MAST1: variants seen among roughly 807,000 people sequenced by gnomAD.
The protein encoded by MAST1 is microtubule-associated serine/threonine-protein kinase 1.
Under a neutral mutation model 124.6 loss-of-function variants are expected in MAST1, and 40 were observed. That is an observed-to-expected ratio of 0.32 (90% CI 0.25 to 0.42). The LOEUF (loss-of-function observed/expected upper bound fraction) is 0.42. Ranked by LOEUF, MAST1 falls within the 10% of genes least tolerant of loss-of-function variation. MAST1 has a pLI of 1.00. For missense variants in MAST1, 1,558 were observed against 2,181.9 expected (o/e 0.71, Z 5.70); for synonymous variants, 938 against 939.4 (o/e 1.00, Z 0.03).
chr19:12,857,634 G>A (rs1032748510), intron 10 of MAST1, among the ~76,000 whole-genome samples: 1 of 151,288 alleles, frequency 6.6e-6, no homozygotes, highest in Non-Finnish European at 1.5e-5. Flanking sequence ...GGATGGTCTC[G>A]ATCTCCTGAC....
At chr19:12,857,175 C>T (rs1319416020) in intron 10 of MAST1, among the ~76,000 whole-genome samples, 1 of 152,118 alleles carries the variant, frequency 6.6e-6, no homozygotes, top group Non-Finnish European at 1.5e-5. Flanking sequence ...CCTCTGCCTC[C>T]TGGGTTCAAG....
chr19:12,864,021 T>C (rs1052511339), intron 12 of MAST1, among the ~76,000 whole-genome samples: 34 of 150,664 alleles, frequency 2.3e-4, no homozygotes, highest in Non-Finnish European at 1.0e-4. Flanking sequence ...GCCTCCCAGG[T>C]TCAAGCCATT....
chr19:12,874,592 C>T lies in MAST1; in HGVS notation c.4435C>T (p.Arg1479Cys). ...SVPEAPRGRE[R>C]WVLEVVEERT... ...GCCCGAGGCCCCCCGGGGCCGGGAG[C>T]GCTGGGTGTTGGAGGTGGTGGAGGA... Residue 1479 changes from arginine (R) to cysteine (C), a missense_variant, in exon 26 of 26, where the codon CGC (arginine) becomes TGC (cysteine). Coordinates refer to ENST00000251472, the MANE Select transcript of MAST1 (RefSeq NM_014975.3). This position sits in a 1 kb window ranked among gnomAD's most constrained non-coding sequence, Gnocchi z 6.6. 3 of 1,509,122 alleles carry T rather than the reference C, an allele frequency of 2.0e-6. No individual in the cohort carries two copies. Among genetic ancestry groups the T allele is most frequent in the Non-Finnish European group, 2.7e-6 (3 of 1,130,128 alleles). 93.5% of individuals were successfully genotyped at this position (1,509,122 alleles called of 1,614,324 possible).
intron 7 of MAST1, among the ~76,000 whole-genome samples, chr19:12,849,835 C>T (rs539704434): frequency 6.6e-6 from 1 of 151,830 alleles, no homozygotes; most frequent in East Asian, 1.9e-4. Context: ...CTCACTCTAT[C>T]CCACTGGGCT....
chr19:12,842,076 G>A (rs958701722), intron 3 of MAST1, among the ~76,000 whole-genome samples: 1 of 152,264 alleles, frequency 6.6e-6, no homozygotes, highest in Admixed American at 6.5e-5. Context: ...ACTGTGTGAG[G>A]GATTACGTGC....
intron 20 of MAST1, among the ~76,000 whole-genome samples, chr19:12,868,257 C>T (rs7258933): frequency 0.051 from 7,689 of 151,384 alleles, 675 homozygotes; most frequent in African/African-American, 0.18. Flanking sequence ...TACAGGCGCG[C>T]GCCACTACCC....
Position 12,874,667 on chromosome 19 carries a change from TC to T in MAST1, c.4514del (p.Pro1505ArgfsTer8). 1 of 1,538,272 alleles carries T rather than the reference TC, an allele frequency of 6.5e-7. No homozygotes were observed. The highest frequency in any genetic ancestry group is 8.8e-7 in the Non-Finnish European group (1 of 1,138,942). Reference protein sequence around the residue: ...PRSKPASPKLSPEPQTPSLAP... With the variant: ...PRSKPASPKLXPEPQTPSLAP... The stretch of plus-strand genomic sequence containing the variant: ...CTCCAAGCCCGCCTCCCCAAAGCTC[TC>T]CCCGGAGCCCCAGACACCCTCCCTA... On this transcript the variant is annotated frameshift_variant, in exon 26 of 26. Transcript: ENST00000251472. LOFTEE classifies it low-confidence loss of function (END_TRUNC). This position sits in a 1 kb window ranked among gnomAD's most constrained non-coding sequence, Gnocchi z 6.6.
At chr19:12,840,945 A>C in intron 2 of MAST1, 46 bp from the exon 3 acceptor site, 1 of 796,564 alleles carries the variant, frequency 1.3e-6, no homozygotes, top group Non-Finnish European at 2.3e-6. Flanking sequence ...ACGCCGCTTT[A>C]GGGAACGAGA....
chr19:12,840,657 T>C (rs1969814196), intron 2 of MAST1, 123 bp downstream of exon 2: 1 of 739,662 alleles, frequency 1.4e-6, no homozygotes, highest in Non-Finnish European at 2.4e-6. Context: ...CCAGTTTGGA[T>C]AAGGGGCGGG....
chr19:12,853,871 AAATAATAAT>A (rs58815071), intron 10 of MAST1, among the ~76,000 whole-genome samples: 15,216 of 142,802 alleles, frequency 0.11, 1,384 homozygotes, highest in African/African-American at 0.25. Context: ...CTCTGTCTCA[AAATAATAAT>A]AATAATAATA....
At position 12,847,724 on chromosome 19, in the gene MAST1, G is replaced by A. The variant is rs748141256; in HGVS notation, c.564+37G>A. The A allele has an allele frequency of 3.1e-6, 5 of 1,607,422 alleles. No homozygotes were observed. The highest frequency in any genetic ancestry group is 4.3e-6 in the Non-Finnish European group (5 of 1,175,590). ...CCCGAGGCGGTCACGGGGTGACCAG[G>A]CGGCCTGCACTCTCGCTCGCCTTAT... is the stretch of plus-strand genomic sequence containing the variant. On this transcript the variant is annotated intron_variant, in intron 6 of 25. Transcript: ENST00000251472. This position sits in a 1 kb window ranked among gnomAD's most constrained non-coding sequence, Gnocchi z 5.5.
At position 12,873,600 on chromosome 19, in the gene MAST1, C is replaced by T; in HGVS notation, c.3452-9C>T. The T allele has an allele frequency of 6.3e-7, 1 of 1,580,996 alleles. No individual in the cohort carries two copies. The highest frequency in any genetic ancestry group is 8.6e-7 in the Non-Finnish European group (1 of 1,165,394). The stretch of plus-strand genomic sequence containing the variant: ...TGTACTCACTCGCTTCACCTCCTGT[C>T]TCCCGCAGGCGCCTCATCCCAGAGC... On this transcript the variant is annotated splice_polypyrimidine_tract_variant and intron_variant, in intron 25 of 25. Coordinates refer to ENST00000251472, the MANE Select transcript of MAST1 (RefSeq NM_014975.3).
rs34988246 is a variant in MAST1, at chr19:12,868,103, A to ATTTTTTTTTTTTTTTTTTTTTTTTTT, written c.2566+149_2566+150insTTTTTTTTTTTTTTTTTTTTTTTTTT. The ATTTTTTTTTTTTTTTTTTTTTTTTTT allele has an allele frequency of 6.8e-5, 22 of 322,286 alleles. 3 individuals are homozygous for ATTTTTTTTTTTTTTTTTTTTTTTTTT. The highest frequency in any genetic ancestry group is 1.7e-4 in the African/African-American group (4 of 23,802). 20.0% of individuals were successfully genotyped at this position (322,286 alleles called of 1,614,324 possible). On this transcript the variant is annotated intron_variant, in intron 20 of 25. Transcript: ENST00000251472. ...GGTCCTATTCACATTGCAATTTGGG[A>ATTTTTTTTTTTTTTTTTTTTTTTTTT]TTTTTTTTTTTTTTTTTTTTTTTGA...
intron 24 of MAST1, 34 bp from the exon 25 acceptor site, chr19:12,873,290 G>C: frequency 1.3e-6 from 2 of 1,598,852 alleles, no homozygotes; most frequent in Non-Finnish European, 1.7e-6. Context: ...TGGCGTCCAG[G>C]TCAAGGACGC....
intron 7 of MAST1, chr19:12,848,355 C>T (rs973822984): frequency 8.5e-6 from 3 of 354,426 alleles, no homozygotes; most frequent in Admixed American, 9.1e-5. Context: ...CTCGGTGGCT[C>T]AGGCCTGTAA....
chr19:12,846,908 G>A (rs1421022130), intron 4 of MAST1, among the ~76,000 whole-genome samples: 1 of 149,178 alleles, frequency 6.7e-6, no homozygotes, highest in African/African-American at 2.5e-5. Flanking sequence ...GGCCACTGTA[G>A]CTGGAGCAGA....
chr19:12,867,423 C>T (rs1165395840), intron 18 of MAST1, 51 bp from the exon 19 acceptor site: 3 of 1,603,998 alleles, frequency 1.9e-6, no homozygotes, highest in East Asian at 2.2e-5. Flanking sequence ...TGATTAGCTC[C>T]GGAGTGAAAG....
intron 19 of MAST1, 22 bp downstream of exon 19, chr19:12,867,674 T>C: frequency 2.6e-6 from 4 of 1,551,646 alleles, no homozygotes; most frequent in Non-Finnish European, 3.5e-6. Flanking sequence ...AATGGCGGAG[T>C]TTGGGGGCGG....
Position 12,858,276 on chromosome 19 carries a change from T to C in MAST1, c.1078-86T>C, listed in dbSNP as rs370989921. The C allele has an allele frequency of 1.5e-4, 178 of 1,202,082 alleles. 1 individual carries two copies. In the South Asian group the frequency reaches 1.5e-3, roughly 10 times the overall value. The allele number at this position is 1,202,082 out of a possible 1,614,324, so 74.5% of individuals were successfully genotyped here. A position where few individuals can be genotyped will look rare whatever the true frequency, so the allele number is the denominator to read the frequency against. On this transcript the variant is annotated intron_variant, in intron 10 of 25. Transcript: ENST00000251472. ...ATGAAGGACTCTTTCATTCTGTGCC[T>C]CAGTTTCCCCATGTGTAAAATGAAA...
Sources: allele counts gnomAD v4.1 joint callset (sites outside exome capture counted in the v4.1 genomes callset), GRCh38; gene constraint gnomAD v4.1.1; non-coding constraint Gnocchi (gnomAD v3.1); transcripts MANE v1.5; gene names NCBI Gene and HGNC (gene_info 2026-07-23, HGNC 2026-07-21).